The following DDX60L variants were observed in gnomAD, a reference collection of about 807,000 sequenced individuals.
DDX60L encodes probable ATP-dependent RNA helicase DDX60-like.
DDX60L carries 191 observed loss-of-function variants against 211.6 expected under a neutral mutation model. The observed-to-expected ratio is 0.90, with a 90% CI of 0.80 to 1.02. DDX60L has a LOEUF of 1.02. DDX60L is among the 50% of genes least tolerant of loss of function. The probability of loss-of-function intolerance (pLI) is 0.00; values close to 1 mark genes in which losing one functional copy is unlikely to be tolerated. For synonymous variants in DDX60L, 706 were observed against 694.1 expected (o/e 1.02, Z -0.27); for missense variants, 2,007 against 1,984.1 (o/e 1.01, Z -0.22).
rs544618338 is a variant in DDX60L at position 168,406,209 on chromosome 4, C to T, written c.3085-131G>A. On this transcript the variant is annotated intron_variant, in intron 23 of 37. Coordinates refer to ENST00000682922, the MANE Select transcript of DDX60L (RefSeq NM_001012967.3). The stretch of plus-strand genomic sequence containing the variant: ...CTCCTTGAGGGCAGAGGCTGTTGAA[C>T]ATCTTTTTACCTCCCAATAATTTCT... 16 of 801,096 alleles carry T rather than the reference C, an allele frequency of 2.0e-5. No individual in the cohort carries two copies. The East Asian group carries it at 4.7e-4, about 23-fold the overall frequency. The allele number at this position is 801,096 out of a possible 1,614,324, so 49.6% of individuals were successfully genotyped here.
chr4:168,369,893 C>T (rs74485127), intron 36 of DDX60L, among the ~76,000 whole-genome samples: 2,308 of 152,144 alleles, frequency 0.015, 52 homozygotes, highest in African/African-American at 0.052. Flanking sequence ...GTTAGCATGG[C>T]TATTAATAAT....
At chr4:168,378,588 C>G (rs1032296785) in intron 32 of DDX60L, 113 bp from the exon 33 acceptor site, 1 of 690,652 alleles carries the variant, frequency 1.4e-6, no homozygotes, top group Non-Finnish European at 2.3e-6. Context: ...AATTTTCTAG[C>G]AAATATATAC....
At chr4:168,432,350 T>C (rs1752486616) in intron 12 of DDX60L, 105 bp downstream of exon 12, 1 of 314,542 alleles carries the variant, frequency 3.2e-6, no homozygotes, top group African/African-American at 2.3e-5. Flanking sequence ...ATAGATCTCA[T>C]TCAAAATAGA....
At chr4:168,461,488 C>A (rs978602262) in intron 5 of DDX60L, among the ~76,000 whole-genome samples, 3 of 152,008 alleles carry the variant, frequency 2.0e-5, no homozygotes, top group Non-Finnish European at 4.4e-5. Context: ...TATAGGAGTA[C>A]CCTGAGAATT....
chr4:168,364,827 C>G (rs758857957), intron 36 of DDX60L, among the ~76,000 whole-genome samples: 15 of 152,066 alleles, frequency 9.9e-5, no homozygotes, highest in Non-Finnish European at 1.8e-4. Context: ...TATCAAGTAA[C>G]TTTTCTGAGC....
chr4:168,408,604 G>A (rs1032504062), intron 22 of DDX60L, among the ~76,000 whole-genome samples: 1 of 149,714 alleles, frequency 6.7e-6, no homozygotes, highest in Non-Finnish European at 1.5e-5. Flanking sequence ...ATACCACAAT[G>A]CTCCTTTTGA....
intron 19 of DDX60L, among the ~76,000 whole-genome samples, chr4:168,418,827 C>T (rs1200901908): frequency 2.6e-5 from 4 of 152,240 alleles, no homozygotes; most frequent in Admixed American, 2.0e-4. Flanking sequence ...CCTCTAGCTT[C>T]TACTGGGTTT....
chr4:168,466,885 C>G (rs959995959), intron 4 of DDX60L, among the ~76,000 whole-genome samples: 5 of 152,152 alleles, frequency 3.3e-5, no homozygotes, highest in Non-Finnish European at 7.3e-5. Flanking sequence ...GGGACACAGA[C>G]AGCTGCCAAT....
At chr4:168,379,886 G>C (rs759523804) in intron 30 of DDX60L, 56 bp from the exon 31 acceptor site, 4 of 1,273,672 alleles carry the variant, frequency 3.1e-6, no homozygotes, top group Non-Finnish European at 4.5e-6. Context: ...TGTAAATACT[G>C]ATATGTAATA....
intron 26 of DDX60L, among the ~76,000 whole-genome samples, chr4:168,399,855 T>G (rs546154562): frequency 6.6e-6 from 1 of 152,328 alleles, no homozygotes; most frequent in South Asian, 2.1e-4. Flanking sequence ...GCCATTCTTT[T>G]GTTTTTAAGT....
chr4:168,400,080 T>A (rs1197828791), intron 26 of DDX60L, among the ~76,000 whole-genome samples: 1 of 152,194 alleles, frequency 6.6e-6, no homozygotes, highest in Non-Finnish European at 1.5e-5. Context: ...TGTATTCTCA[T>A]AATTTACTTC....
chr4:168,382,831 A>G (rs575505848), intron 30 of DDX60L, among the ~76,000 whole-genome samples: 1 of 152,300 alleles, frequency 6.6e-6, no homozygotes, highest in African/African-American at 2.4e-5. Context: ...TGCTTTTCCC[A>G]TTCTTCTCTT....
intron 7 of DDX60L, among the ~76,000 whole-genome samples, chr4:168,453,838 A>G (rs545453116): frequency 1.3e-5 from 2 of 152,208 alleles, no homozygotes; most frequent in South Asian, 2.1e-4. Flanking sequence ...AACTGAAATT[A>G]CAAGGAGATT....
chr4:168,447,797 A>G (rs1755048780), intron 9 of DDX60L, among the ~76,000 whole-genome samples: 1 of 148,496 alleles, frequency 6.7e-6, no homozygotes, highest in Admixed American at 6.9e-5. Context: ...CAAACACCGC[A>G]TATTCTCACT....
chr4:168,362,157 G>GC (rs1739224527), intron 36 of DDX60L, among the ~76,000 whole-genome samples: 1 of 152,196 alleles, frequency 6.6e-6, no homozygotes, highest in Non-Finnish European at 1.5e-5. Context: ...GGCAGAGGTG[G>GC]CCCCACCTCC....
chr4:168,388,826 G>C (rs1354224219), intron 29 of DDX60L, among the ~76,000 whole-genome samples: 2 of 152,144 alleles, frequency 1.3e-5, no homozygotes, highest in African/African-American at 4.8e-5. Context: ...AGGGCAACAG[G>C]CTGGTTTGAA....
chr4:168,360,125 G>A (rs1738855392), intron 37 of DDX60L, among the ~76,000 whole-genome samples: 1 of 152,116 alleles, frequency 6.6e-6, no homozygotes, highest in African/African-American at 2.4e-5. Context: ...AGTATTTTGT[G>A]TATAACTCAA....
intron 30 of DDX60L, 84 bp downstream of exon 30, chr4:168,384,528 G>A: frequency 6.5e-7 from 1 of 1,533,690 alleles, no homozygotes; most frequent in South Asian, 1.2e-5. Context: ...TCTTTCTCAA[G>A]ACAGACTTCT....
At chr4:168,388,246 A>G (rs1191633743) in intron 29 of DDX60L, among the ~76,000 whole-genome samples, 1 of 152,230 alleles carries the variant, frequency 6.6e-6, no homozygotes, top group Non-Finnish European at 1.5e-5. Flanking sequence ...GGACAGTTCA[A>G]TCAGACCCTT....
Sources: gnomAD v4.1 joint callset for allele counts (sites outside exome capture counted in the v4.1 genomes callset) on GRCh38, gnomAD v4.1.1 for gene constraint, MANE v1.5 for transcripts, NCBI Gene and HGNC (gene_info 2026-07-23, HGNC 2026-07-21) for gene names.